Variants in PMEPA1 observed in about 807,000 individuals in gnomAD.
PMEPA1 encodes the protein prostate transmembrane protein, androgen induced 1.
A neutral mutation model predicts 23.0 loss-of-function variants in PMEPA1; 11 were observed. The ratio of observed to expected loss-of-function variants is 0.48; its 90% confidence interval spans 0.30 to 0.79. The LOEUF is 0.79. Among genes scored for constraint, PMEPA1 ranks in the 30% least tolerant of loss-of-function variants. PMEPA1 has a pLI of 0.06. For synonymous variants in PMEPA1, 204 were observed against 166.4 expected, an observed-to-expected ratio of 1.23 and a Z score of -1.74; for missense variants, 377 against 390.9, an observed-to-expected ratio of 0.96 and a Z score of 0.30.
chr20:57,690,322 CACT>C (rs1172754237), intron 1 of PMEPA1: 1 of 844,350 alleles, frequency 1.2e-6, no homozygotes, highest in African/African-American at 1.8e-5. Flanking sequence ...CCACCCCCAC[CACT>C]GCCACCCGCC....
At chr20:57,705,246 G>A (rs1477965167) in intron 1 of PMEPA1, among the ~76,000 whole-genome samples, 1 of 152,186 alleles carries the variant, frequency 6.6e-6, no homozygotes, top group Non-Finnish European at 1.5e-5. Context: ...AACTCACCTC[G>A]ACCCTGGGTC....
chr20:57,690,720 G>A lies in PMEPA1; in HGVS notation c.109+18754C>T, dbSNP rs866097815. On this transcript the variant is annotated intron_variant, in intron 1 of 3. Transcript: ENST00000341744. ...ATCTGGCTTCTTCTGAGTTTTGTAAGTGACACGCCCAGCCGACCCCCACCT... is the reference window on the plus strand; with the variant it reads ...ATCTGGCTTCTTCTGAGTTTTGTAAATGACACGCCCAGCCGACCCCCACCT... 3.0e-4 allele frequency: 144 copies of A among 482,638 alleles called. 2 individuals carry two copies. The highest frequency in any genetic ancestry group is 2.6e-3 in the Middle Eastern group (3 of 1,174). The allele number at this position is 482,638 out of a possible 1,614,324, so 29.9% of individuals were successfully genotyped here. A position where few individuals can be genotyped will look rare whatever the true frequency, so the allele number is the denominator to read the frequency against.
intron 1 of PMEPA1, among the ~76,000 whole-genome samples, chr20:57,678,211 GT>G (rs1313582424): frequency 2.0e-5 from 3 of 152,190 alleles, no homozygotes; most frequent in Admixed American, 2.0e-4. Context: ...GAAAGGTAAG[GT>G]TGATGGTTTG....
chr20:57,705,726 T>C (rs2072073714), intron 1 of PMEPA1, among the ~76,000 whole-genome samples: 1 of 152,138 alleles, frequency 6.6e-6, no homozygotes, highest in Non-Finnish European at 1.5e-5. Context: ...TCAAGCCCCT[T>C]AGGAGAAACC....
At position 57,651,835 on chromosome 20, in the gene PMEPA1, GT is replaced by G. The variant is rs752968841; in HGVS notation, c.*217del. On this transcript the variant is annotated 3_prime_UTR_variant, in exon 4 of 4. Transcript: ENST00000341744. ...AGACACAGCTCAACAAAGAAACGTG[GT>G]TTTTTTTTTTCTTTTTTCTTTTTTT... 7.5e-3 allele frequency: 2,257 copies of G among 302,436 alleles called. No individual in the cohort carries two copies. The highest frequency in any genetic ancestry group is 0.011 in the Middle Eastern group (12 of 1,096). The allele number at this position is 302,436 out of a possible 1,614,324, so 18.7% of individuals were successfully genotyped here.
At chr20:57,697,873 G>A (rs1315057192) in intron 1 of PMEPA1, among the ~76,000 whole-genome samples, 4 of 152,230 alleles carry the variant, frequency 2.6e-5, no homozygotes, top group Non-Finnish European at 5.9e-5. Flanking sequence ...GGCACCATGT[G>A]TAAGTTCACA....
At position 57,667,134 on chromosome 20, in the gene PMEPA1, C is replaced by T. The variant is rs753188018; in HGVS notation, c.110-7437G>A. On this transcript the variant is annotated intron_variant, in intron 1 of 3. Coordinates refer to ENST00000341744, the MANE Select transcript of PMEPA1 (RefSeq NM_020182.5). Reference sequence around the variant, plus strand: ...TGTGTCTTTGGTGCAGTCAAGGAGACGATGGTCAGGTGCCTGCATTTGGGA... The same window carrying T: ...TGTGTCTTTGGTGCAGTCAAGGAGATGATGGTCAGGTGCCTGCATTTGGGA... 7.2e-5 allele frequency among the ~76,000 whole-genome samples: 11 copies of T among 152,160 alleles called. No homozygotes were observed. The South Asian group carries it at 1.2e-3, about 17-fold the overall frequency.
In PMEPA1 at chr20:57,652,925, G is replaced by C. The variant is rs2071273415; in HGVS notation, c.318+108C>G. 2.1e-6 allele frequency: 2 copies of C among 931,758 alleles called. No homozygotes were observed. The highest frequency in any genetic ancestry group is 1.4e-5 in the South Asian group (1 of 71,826). The allele number at this position is 931,758 out of a possible 1,614,324, so 57.7% of individuals were successfully genotyped here. A position where few individuals can be genotyped will look rare whatever the true frequency, so the allele number is the denominator to read the frequency against. ...GGATCCCAGCAGCAAGGGCACTGCA[G>C]AGGAGGGCGGAGGGGTGAGCCTTTA... On this transcript the variant is annotated intron_variant, in intron 3 of 3. Transcript: ENST00000341744. The surrounding 1 kb of genome is among the most constrained non-coding windows in gnomAD (Gnocchi z 6.1).
chr20:57,674,026 G>A (rs552138977), intron 1 of PMEPA1, among the ~76,000 whole-genome samples: 2 of 152,296 alleles, frequency 1.3e-5, no homozygotes, highest in South Asian at 2.1e-4. Flanking sequence ...ACATTATAGA[G>A]GTGGCCATTC....
At chr20:57,690,990 G>A (rs1042050961) in intron 1 of PMEPA1, among the ~76,000 whole-genome samples, 1 of 152,246 alleles carries the variant, frequency 6.6e-6, no homozygotes, top group Non-Finnish European at 1.5e-5. Context: ...CAGGGTTAGA[G>A]AAAGCTGGTC....
At chr20:57,681,750 G>T (rs1445145199) in intron 1 of PMEPA1, among the ~76,000 whole-genome samples, 1 of 152,072 alleles carries the variant, frequency 6.6e-6, no homozygotes, top group East Asian at 1.9e-4. Context: ...ACAGAAGAAG[G>T]AACTGCAACC....
intron 1 of PMEPA1, among the ~76,000 whole-genome samples, chr20:57,702,321 G>A (rs1197452564): frequency 2.0e-5 from 3 of 152,118 alleles, no homozygotes; most frequent in East Asian, 1.9e-4. Flanking sequence ...CCAAACCCCC[G>A]CCACGACATC....
chr20:57,686,129 A>G (rs960363279), intron 1 of PMEPA1, among the ~76,000 whole-genome samples: 3 of 152,130 alleles, frequency 2.0e-5, no homozygotes, highest in African/African-American at 7.2e-5. Context: ...CCAGAGCCTC[A>G]ACACAAGCCG....
intron 1 of PMEPA1, among the ~76,000 whole-genome samples, chr20:57,670,212 G>A (rs930091010): frequency 6.8e-6 from 1 of 147,276 alleles, no homozygotes; most frequent in Non-Finnish European, 1.5e-5. Context: ...GGGTGGGGGG[G>A]GTAGTACATG....
chr20:57,674,297 G>A (rs747413763), intron 1 of PMEPA1, among the ~76,000 whole-genome samples: 2 of 152,158 alleles, frequency 1.3e-5, no homozygotes, highest in African/African-American at 4.8e-5. Flanking sequence ...ACCAAGGAAC[G>A]GCCATGTGAG....
At chr20:57,679,711 C>T (rs1178351170) in intron 1 of PMEPA1, among the ~76,000 whole-genome samples, 1 of 152,194 alleles carries the variant, frequency 6.6e-6, no homozygotes, top group African/African-American at 2.4e-5. Flanking sequence ...ATTTGTTATG[C>T]TGGAAGGGGG....
At chr20:57,675,740 G>C (rs1305742153) in intron 1 of PMEPA1, among the ~76,000 whole-genome samples, 1 of 152,242 alleles carries the variant, frequency 6.6e-6, no homozygotes, top group African/African-American at 2.4e-5. Flanking sequence ...GTCCAAGGGT[G>C]TCTGTGTGTC....
At chr20:57,668,994 A>G (rs910043578) in intron 1 of PMEPA1, among the ~76,000 whole-genome samples, 3 of 152,090 alleles carry the variant, frequency 2.0e-5, no homozygotes, top group Non-Finnish European at 4.4e-5. Flanking sequence ...TGGAAGCTGT[A>G]TATGACCCAC....
rs114663352 is a variant in PMEPA1, at chr20:57,674,339, A to G, written c.110-14642T>C. ...GCCAGGAGGTGGCCATCTACAAGCC[A>G]CAAAGCAGTTCTCACCAGAACCCAA... is the stretch of plus-strand genomic sequence containing the variant. On this transcript the variant is annotated intron_variant, in intron 1 of 3. Transcript: ENST00000341744. 5.0e-3 allele frequency among the ~76,000 whole-genome samples: 767 copies of G among 152,328 alleles called. 2 individuals are homozygous for G. The highest frequency in any genetic ancestry group is 0.013 in the African/African-American group (552 of 41,572).
Sources: allele counts gnomAD v4.1 joint callset (sites outside exome capture counted in the v4.1 genomes callset), GRCh38; gene constraint gnomAD v4.1.1; non-coding constraint Gnocchi (gnomAD v3.1); transcripts MANE v1.5; gene names NCBI Gene and HGNC (gene_info 2026-07-23, HGNC 2026-07-21).